PRR16: variants seen among roughly 807,000 people sequenced by gnomAD.
PRR16 encodes protein Largen.
A neutral mutation model predicts 18.2 loss-of-function variants in PRR16; 6 were observed. That is an observed-to-expected ratio of 0.33 (90% CI 0.18 to 0.65). The LOEUF (loss-of-function observed/expected upper bound fraction) is 0.65, where lower values mean the gene tolerates loss of function less well. Among genes scored for constraint, PRR16 ranks in the 30% least tolerant of loss-of-function variants. The pLI is 0.74. For missense variants in PRR16, 412 were observed against 376.6 expected, an observed-to-expected ratio of 1.09 and a Z score of -0.78; for synonymous variants, 151 against 147.8, an observed-to-expected ratio of 1.02 and a Z score of -0.16.
At chr5:120,717,831 T>G in the PRR16 span, among the ~76,000 whole-genome samples, 1 of 152,134 alleles carries the variant, frequency 6.6e-6, no homozygotes, top group Admixed American at 6.6e-5. Context: ...AACGAAAACT[T>G]TATAAACAAC....
chr5:120,642,274 C>A (rs72794329), intron 1 of PRR16, among the ~76,000 whole-genome samples: 2 of 151,112 alleles, frequency 1.3e-5, no homozygotes, highest in Non-Finnish European at 2.9e-5. Flanking sequence ...TTTTTTTTCC[C>A]CTAACAGTGG....
intron 1 of PRR16, among the ~76,000 whole-genome samples, chr5:120,620,217 T>G (rs1425018916): frequency 6.6e-6 from 1 of 152,176 alleles, no homozygotes; most frequent in African/African-American, 2.4e-5. Flanking sequence ...GTGCATAAAA[T>G]TAATCTTTAA....
At position 120,687,124 on chromosome 5, in the gene PRR16, T is replaced by C. The variant is rs1350987955; in HGVS notation, c.*415T>C. ...AGGAAATTTTAATACTGAAGGACTA[T>C]TTTATTATTTTTTTCTAAAGATGTT... On this transcript the variant is annotated 3_prime_UTR_variant, in exon 2 of 2. Transcript: ENST00000407149. The C allele has an allele frequency of 6.5e-6, 1 of 153,616 alleles. No homozygotes were observed. The highest frequency in any genetic ancestry group is 1.5e-5 in the Non-Finnish European group (1 of 68,748). The allele number at this position is 153,616 out of a possible 1,614,324, so 9.5% of individuals were successfully genotyped here.
chr5:120,702,124 G>T, the PRR16 span, among the ~76,000 whole-genome samples: 1 of 151,862 alleles, frequency 6.6e-6, no homozygotes, highest in African/African-American at 2.4e-5. Flanking sequence ...TGGAGGGAAG[G>T]GGTTCAGGGG....
At chr5:120,493,130 C>G (rs761661644) in intron 1 of PRR16, among the ~76,000 whole-genome samples, 17 of 152,122 alleles carry the variant, frequency 1.1e-4, no homozygotes, top group Non-Finnish European at 2.4e-4. Flanking sequence ...TAAGGAATGT[C>G]TATATTATTT....
At chr5:120,690,218 A>C (rs1757192726), downstream of PRR16, among the ~76,000 whole-genome samples, 1 of 152,190 alleles carries the variant, frequency 6.6e-6, no homozygotes, top group African/African-American at 2.4e-5. Flanking sequence ...CTGAAACTAT[A>C]CAAGACCTTG....
intron 1 of PRR16, among the ~76,000 whole-genome samples, chr5:120,517,475 T>A (rs1186529617): frequency 6.6e-6 from 1 of 152,124 alleles, no homozygotes; most frequent in Admixed American, 6.5e-5. Flanking sequence ...TTTTCACATA[T>A]AGAAATGGGT....
At chr5:120,775,992 A>G in the PRR16 span, among the ~76,000 whole-genome samples, 1 of 151,742 alleles carries the variant, frequency 6.6e-6, no homozygotes, top group Non-Finnish European at 1.5e-5. Context: ...AAAAACACTA[A>G]AAGATCTGTC....
chr5:120,646,708 C>T (rs1228571343), intron 1 of PRR16, among the ~76,000 whole-genome samples: 1 of 151,826 alleles, frequency 6.6e-6, no homozygotes, highest in Non-Finnish European at 1.5e-5. Flanking sequence ...TGACTAGAGG[C>T]TGTATCAATA....
At chr5:120,674,578 T>G (rs1212386377) in intron 1 of PRR16, among the ~76,000 whole-genome samples, 4 of 152,210 alleles carry the variant, frequency 2.6e-5, no homozygotes, top group African/African-American at 9.6e-5. Context: ...TATTTTTTTC[T>G]GAGTGTCTTG....
chr5:120,667,742 A>C (rs1328114404), intron 1 of PRR16, among the ~76,000 whole-genome samples: 1 of 151,964 alleles, frequency 6.6e-6, no homozygotes, highest in Non-Finnish European at 1.5e-5. Context: ...CAGGTTGTTC[A>C]GTTTCCATGT....
intron 1 of PRR16, among the ~76,000 whole-genome samples, chr5:120,476,865 A>C (rs1183988835): frequency 1.6e-4 from 25 of 152,084 alleles, no homozygotes; most frequent in Non-Finnish European, 2.9e-5. Flanking sequence ...GCTGTCACCT[A>C]TTTTTCCCTG....
chr5:120,530,011 A>G (rs980949536), intron 1 of PRR16, among the ~76,000 whole-genome samples: 2 of 151,248 alleles, frequency 1.3e-5, no homozygotes, highest in African/African-American at 4.9e-5. Context: ...GTGTTGTAAC[A>G]TATTTGTTTC....
the PRR16 span, among the ~76,000 whole-genome samples, chr5:120,785,191 TGA>T: frequency 6.6e-6 from 1 of 152,184 alleles, no homozygotes; most frequent in African/African-American, 2.4e-5. Context: ...TTTTTTTCCA[TGA>T]GAGTTTTGAC....
At chr5:120,628,738 C>G (rs1223493359) in intron 1 of PRR16, among the ~76,000 whole-genome samples, 1 of 146,210 alleles carries the variant, frequency 6.8e-6, no homozygotes, top group Non-Finnish European at 1.5e-5. Flanking sequence ...ATCTATCTAT[C>G]TATCTATCTA....
At chr5:120,493,699 A>G (rs533967122) in intron 1 of PRR16, among the ~76,000 whole-genome samples, 16 of 152,282 alleles carry the variant, frequency 1.1e-4, no homozygotes, top group South Asian at 6.2e-4. Context: ...GTTGACATAG[A>G]CTTCCTAGCC....
At chr5:120,657,315 G>C (rs887667929) in intron 1 of PRR16, among the ~76,000 whole-genome samples, 5 of 151,856 alleles carry the variant, frequency 3.3e-5, no homozygotes, top group African/African-American at 1.2e-4. Context: ...TCTGATAAAC[G>C]GCAGCTTGAA....
At chr5:120,746,110 A>AT in the PRR16 span, among the ~76,000 whole-genome samples, 2 of 148,594 alleles carry the variant, frequency 1.3e-5, no homozygotes, top group Non-Finnish European at 3.0e-5. Flanking sequence ...GATTTGTTCA[A>AT]TTTTTTCTAA....
chr5:120,776,936 T>C, the PRR16 span, among the ~76,000 whole-genome samples: 1 of 152,158 alleles, frequency 6.6e-6, no homozygotes, highest in South Asian at 2.1e-4. Context: ...TTAAATTGTA[T>C]AAATAAAGCA....
Sources: allele counts gnomAD v4.1 joint callset (sites outside exome capture counted in the v4.1 genomes callset), GRCh38; gene constraint gnomAD v4.1.1; transcripts MANE v1.5; gene names NCBI Gene and HGNC (gene_info 2026-07-23, HGNC 2026-07-21).